Variants in AP1B1 observed in about 807,000 individuals in gnomAD.
AP1B1 encodes the protein adaptor related protein complex 1 subunit beta 1, also known as AP-1 complex subunit beta-1.
In AP1B1, 36 loss-of-function variants were observed where a neutral mutation model predicts 104.3. That is an observed-to-expected ratio of 0.35 (90% CI 0.26 to 0.46). The LOEUF (loss-of-function observed/expected upper bound fraction) is 0.46, where lower values mean the gene tolerates loss of function less well. Ranked by LOEUF, AP1B1 falls within the 20% of genes least tolerant of loss-of-function variation. The pLI, the probability that AP1B1 is intolerant of heterozygous loss-of-function variation, is 1.00. For synonymous variants in AP1B1, 504 were observed against 517.5 expected (o/e 0.97, Z 0.35); for missense variants, 901 against 1,247.9 (o/e 0.72, Z 4.19).
chr22:29,335,485 A>G (rs1338976814), intron 16 of AP1B1, among the ~76,000 whole-genome samples: 1 of 148,006 alleles, frequency 6.8e-6, no homozygotes, highest in Non-Finnish European at 1.5e-5. Context: ...ATCTGCCTCC[A>G]GGGCCTCCAT....
In AP1B1 at chr22:29,351,154, G is replaced by C. The variant is rs748439571; in HGVS notation, c.1155+17C>G. ...CCTTTTCCTTCTCCAGCCAAGGACA[G>C]AGTCCCAGAGCCTCACCTCCACCTT... On this transcript the variant is annotated intron_variant, in intron 9 of 22. Coordinates refer to ENST00000357586, the MANE Select transcript of AP1B1 (RefSeq NM_001127.4). 2 of 1,599,448 alleles carry C rather than the reference G, an allele frequency of 1.3e-6. No individual in the cohort carries two copies. The highest frequency in any genetic ancestry group is 2.7e-5 in the African/African-American group (2 of 74,632).
chr22:29,349,269 T>C lies in AP1B1; in HGVS notation c.1386A>G (p.Ala462=), dbSNP rs1317565257. The C allele has an allele frequency of 4.3e-6, 7 of 1,613,924 alleles. No individual in the cohort carries two copies. The highest frequency in any genetic ancestry group is 5.9e-6 in the Non-Finnish European group (7 of 1,180,054). Reference sequence around the variant, plus strand: ...CGAGGAAGCTCTCCAGCAGCTCATCTGCGTTGTCGATCCGTTCCGCGTACT... The same window carrying C: ...CGAGGAAGCTCTCCAGCAGCTCATCCGCGTTGTCGATCCGTTCCGCGTACT... The part of the protein sequence containing the change: ...VGEYAERIDN[A]DELLESFLEG... Residue 462 remains alanine, a synonymous_variant, in exon 11 of 23, where the codon GCA becomes GCG. Transcript: ENST00000357586.
chr22:29,377,197 A>G (rs932939787), intron 1 of AP1B1, among the ~76,000 whole-genome samples: 45 of 18,518 alleles, frequency 2.4e-3, no homozygotes, highest in African/African-American at 6.4e-3. Flanking sequence ...CCCTGTCTCA[A>G]AAAAAAAAAA....
intron 15 of AP1B1, 36 bp downstream of exon 15, chr22:29,339,718 G>T: frequency 6.2e-7 from 1 of 1,607,468 alleles, no homozygotes; most frequent in Non-Finnish European, 8.5e-7. Context: ...GGAGGAGCAA[G>T]GACGAAGGCT....
chr22:29,359,946 C>A lies in AP1B1; in HGVS notation c.157G>T (p.Asp53Tyr). The change falls in exon 4 of 23, where the codon GAT becomes TAT. Residue 53 changes from aspartate (D) to tyrosine (Y), a missense_variant. Asp to Tyr is a radical substitution (Grantham distance 160, BLOSUM62 -3). Transcript: ENST00000357586. ...VGKDVSALFP[D>Y]VVNCMQTDNL... ...TCCGTCTGCATGCAGTTGACCACAT[C>A]GGGGAAGAGGGCACTGGAAGGTCAA... is the stretch of plus-strand genomic sequence containing the variant. The A allele has an allele frequency of 6.2e-7, 1 of 1,613,056 alleles. No homozygotes were observed. Among genetic ancestry groups the A allele is most frequent in the Non-Finnish European group, 8.5e-7 (1 of 1,179,562 alleles).
At chr22:29,355,730 T>C (rs1264899224) in intron 6 of AP1B1, among the ~76,000 whole-genome samples, 8 of 151,930 alleles carry the variant, frequency 5.3e-5, no homozygotes, top group Non-Finnish European at 8.8e-5. Flanking sequence ...AACCTGTCTC[T>C]ATACAAAATA....
intron 3 of AP1B1, among the ~76,000 whole-genome samples, 176 bp from the exon 4 acceptor site, chr22:29,360,135 T>C (rs1379614279): frequency 2.0e-5 from 3 of 152,174 alleles, no homozygotes; most frequent in African/African-American, 7.2e-5. Flanking sequence ...CACCTATTGA[T>C]AGAAAGGGAA....
At position 29,340,817 on chromosome 22, in the gene AP1B1, CT is replaced by C; in HGVS notation, c.1836del (p.Ala613HisfsTer29). 1.2e-6 allele frequency: 2 copies of C among 1,600,080 alleles called. No individual in the cohort carries two copies. The highest frequency in any genetic ancestry group is 1.3e-5 in the African/African-American group (1 of 74,992). ...SAESPETAPT[G>X]APPGEQPDVI... is the part of the protein sequence containing the mutation. ...ACATCTGGCTGCTCCCCAGGAGGTG[CT>C]CCAGTAGGGGCTGTCTCAGGGCTCT... On this transcript the variant is annotated frameshift_variant, in exon 14 of 23. Transcript: ENST00000357586. LOFTEE classifies it high-confidence loss of function.
intron 1 of AP1B1, among the ~76,000 whole-genome samples, chr22:29,375,207 C>G (rs1474367140): frequency 2.0e-5 from 3 of 151,366 alleles, no homozygotes; most frequent in South Asian, 2.1e-4. Context: ...AAAAATTAGT[C>G]GGTGTGGTGG....
intron 17 of AP1B1, 45 bp from the exon 18 acceptor site, chr22:29,331,961 C>T (rs768386218): frequency 1.3e-6 from 2 of 1,573,912 alleles, no homozygotes; most frequent in Admixed American, 1.8e-5. Flanking sequence ...GGAGTAGGTG[C>T]TGATGCGGGA....
chr22:29,331,758 C>T (rs552463610), intron 18 of AP1B1, 29 bp downstream of exon 18: 1 of 1,614,176 alleles, frequency 6.2e-7, no homozygotes, highest in East Asian at 2.2e-5. Flanking sequence ...TGAGTAAGGA[C>T]TGGGGTGCCT....
intron 1 of AP1B1, among the ~76,000 whole-genome samples, chr22:29,387,305 CTTTTTT>C (rs1014176421): frequency 7.8e-6 from 1 of 128,074 alleles, no homozygotes; most frequent in Non-Finnish European, 1.7e-5. Flanking sequence ...AGCTAAAAAT[CTTTTTT>C]TTTTTTTTTT....
At chr22:29,349,659 A>G (rs1217822736) in intron 10 of AP1B1, among the ~76,000 whole-genome samples, 1 of 152,070 alleles carries the variant, frequency 6.6e-6, no homozygotes, top group Admixed American at 6.5e-5. Context: ...GATTACAGGG[A>G]CATGCCACCA....
Position 29,329,411 on chromosome 22 carries a change from C to T in AP1B1, c.2775+301G>A, listed in dbSNP as rs1156378564. The T allele has an allele frequency of 3.1e-6, 4 of 1,290,908 alleles. No homozygotes were observed. In the African/African-American group the frequency reaches 4.6e-5, roughly 15 times the overall value. The allele number at this position is 1,290,908 out of a possible 1,614,324, so 80.0% of individuals were successfully genotyped here. ...ATCACAGGCAGAGGAGAGAGGAGCCCCCACCCATCCACTCTAAAGCACTGG... is the reference window on the plus strand; with the variant it reads ...ATCACAGGCAGAGGAGAGAGGAGCCTCCACCCATCCACTCTAAAGCACTGG... On this transcript the variant is annotated intron_variant, in intron 22 of 22. Transcript: ENST00000357586.
chr22:29,352,042 G>A (rs752413024), intron 7 of AP1B1, among the ~76,000 whole-genome samples: 11 of 152,344 alleles, frequency 7.2e-5, no homozygotes, highest in East Asian at 1.9e-4. Flanking sequence ...GCACGTCGCC[G>A]GAAGGGAGAC....
chr22:29,375,116 C>T (rs1191147754), intron 1 of AP1B1, among the ~76,000 whole-genome samples: 6 of 152,074 alleles, frequency 3.9e-5, no homozygotes, highest in Admixed American at 1.3e-4. Flanking sequence ...TTCGGGAGGC[C>T]GAGGCAGGTG....
chr22:29,385,887 A>T (rs1223378207), intron 1 of AP1B1, among the ~76,000 whole-genome samples: 1 of 152,198 alleles, frequency 6.6e-6, no homozygotes, highest in Admixed American at 6.5e-5. Flanking sequence ...GACATGCAAG[A>T]GTTTCAGAGG....
At chr22:29,346,249 CAGCTTCTCTCATTCT>C (rs1200632238) in intron 11 of AP1B1, among the ~76,000 whole-genome samples, 3 of 152,222 alleles carry the variant, frequency 2.0e-5, no homozygotes, top group Non-Finnish European at 4.4e-5. Context: ...TCTCCCTGTC[CAGCTTCTCTCATTCT>C]AGCTTTTTAG....
In AP1B1 at chr22:29,350,092, T is replaced by C. The variant is rs2061850980; in HGVS notation, c.1214A>G (p.Tyr405Cys). Residue 405 changes from tyrosine to cysteine, a missense_variant, in exon 10 of 23, where the codon TAT becomes TGT. By Grantham distance (194) the Tyr-to-Cys change is radical (BLOSUM62 -2). Around this residue, in one of 3 missense-constraint regions of AP1B1, gnomAD observed 471 missense variants for 696.7 expected, o/e 0.68. Transcript: ENST00000357586. ...GACCACGATGGCCTCCTGGACCACA[T>C]AGTTGACCTTGGTCTGGATGAGGTC... ...LLDLIQTKVN[Y>C]VVQEAIVVIK... The C allele has an allele frequency of 6.2e-7, 1 of 1,614,096 alleles. No homozygotes were observed. Among genetic ancestry groups the C allele is most frequent in the Admixed American group, 1.7e-5 (1 of 60,010 alleles).
Sources: gnomAD v4.1 joint callset for allele counts (sites outside exome capture counted in the v4.1 genomes callset) on GRCh38, gnomAD v4.1.1 for gene constraint, gnomAD v4.1.1 regional missense constraint, MANE v1.5 for transcripts, NCBI Gene and HGNC (gene_info 2026-07-23, HGNC 2026-07-21) for gene names.